Variants in COL27A1 observed in about 807,000 individuals in gnomAD.
COL27A1 encodes the protein collagen type XXVII alpha 1 chain, also known as collagen alpha-1(XXVII) chain.
COL27A1 carries 106 observed loss-of-function variants against 251.3 expected under a neutral mutation model. The ratio of observed to expected loss-of-function variants is 0.42; its 90% CI spans 0.36 to 0.50. The LOEUF is 0.50. COL27A1 is among the 20% of genes least tolerant of loss of function. The pLI is 0.00. For missense variants in COL27A1, 2,325 were observed against 2,522.8 expected (o/e 0.92, Z 1.68); for synonymous variants, 1,000 against 986.3 (o/e 1.01, Z -0.26).
chr9:114,262,073 G>A (rs1036983389), intron 28 of COL27A1, among the ~76,000 whole-genome samples: 6 of 152,166 alleles, frequency 3.9e-5, no homozygotes, highest in African/African-American at 1.4e-4. Flanking sequence ...GTCTCAGCGA[G>A]AGACAGAGCC....
intron 4 of COL27A1, among the ~76,000 whole-genome samples, chr9:114,179,942 G>A (rs910986925): frequency 6.7e-6 from 1 of 149,566 alleles, no homozygotes; most frequent in Admixed American, 6.8e-5. Flanking sequence ...AGGTTCAAGG[G>A]ATTCTCCTGC....
intron 2 of COL27A1, 107 bp downstream of exon 2, chr9:114,162,892 A>T: frequency 1.4e-6 from 1 of 736,486 alleles, no homozygotes; most frequent in East Asian, 2.5e-5. Context: ...TCAATGCCTC[A>T]GTTTTCCCAT....
rs1827810216 is a variant in COL27A1 at position 114,290,201 on chromosome 9, C to T, written c.4261-23C>T. ...CCACTCCCTGCACCAAATGCCCTCACCAGCTTTTTATGTACCCCCCAGGGC... is the reference window on the plus strand; with the variant it reads ...CCACTCCCTGCACCAAATGCCCTCATCAGCTTTTTATGTACCCCCCAGGGC... On this transcript the variant is annotated intron_variant, in intron 46 of 60. Coordinates refer to ENST00000356083, the MANE Select transcript of COL27A1 (RefSeq NM_032888.4). The surrounding 1 kb of genome is among the most constrained non-coding windows in gnomAD (Gnocchi z 4.6). 1.3e-6 allele frequency: 2 copies of T among 1,568,438 alleles called. No individual in the cohort carries two copies.
chr9:114,288,795 T>C (rs1232417287), intron 43 of COL27A1, 40 bp downstream of exon 43: 1 of 1,605,002 alleles, frequency 6.2e-7, no homozygotes, highest in South Asian at 1.1e-5. Context: ...GGATCGGGCA[T>C]GTCAGGGAGA....
chr9:114,249,060 G>A (rs1000084137), intron 24 of COL27A1, among the ~76,000 whole-genome samples: 1 of 152,148 alleles, frequency 6.6e-6, no homozygotes, highest in East Asian at 1.9e-4. Flanking sequence ...AAGTAGGGAG[G>A]TACCTTTATT....
chr9:114,277,248 G>C (rs1835566537), intron 37 of COL27A1, among the ~76,000 whole-genome samples: 1 of 152,066 alleles, frequency 6.6e-6, no homozygotes, highest in African/African-American at 2.4e-5. Context: ...AACTCCTTGG[G>C]ACCCGTGGAT....
Position 114,162,762 on chromosome 9 carries a change from C to T in COL27A1, c.110C>T (p.Ala37Val), listed in dbSNP as rs746741306. The T allele has an allele frequency of 1.2e-6, 2 of 1,612,866 alleles. No homozygotes were observed. The highest frequency in any genetic ancestry group is 1.7e-6 in the Non-Finnish European group (2 of 1,179,476). ...TTAGTCTCGTTTGCCTGTCACCTGG[C>T]CTCCACCCAAGGAGCTCCTGAAGGT... is the stretch of plus-strand genomic sequence containing the variant. ...WILVSFACHLASTQGAPEDVD... is the reference protein window; with the variant it reads ...WILVSFACHLVSTQGAPEDVD... Residue 37 changes from alanine (A) to valine (V), a missense_variant, in exon 2 of 61, where the codon GCC becomes GTC. By Grantham distance (64) the Ala-to-Val change is moderately conservative. Around this residue, in one of 4 missense-constraint regions of COL27A1, gnomAD observed 1,183 missense variants for 1,144.1 expected, o/e 1.03. Transcript: ENST00000356083.
intron 28 of COL27A1, among the ~76,000 whole-genome samples, chr9:114,261,474 G>A (rs1564538646): frequency 6.6e-6 from 1 of 152,224 alleles, no homozygotes; most frequent in Non-Finnish European, 1.5e-5. Context: ...AGAGTGTGCG[G>A]CTGTTCTCGC....
chr9:114,264,017 G>A (rs1834543212), intron 28 of COL27A1, among the ~76,000 whole-genome samples: 1 of 152,224 alleles, frequency 6.6e-6, no homozygotes, highest in African/African-American at 2.4e-5. Flanking sequence ...ACGTGGCCAC[G>A]TGTAACTCAA....
chr9:114,158,910 G>A (rs1485935188), intron 1 of COL27A1, among the ~76,000 whole-genome samples: 2 of 152,234 alleles, frequency 1.3e-5, no homozygotes, highest in African/African-American at 4.8e-5. Context: ...TAGACTTGAA[G>A]CACTGTGTGA....
At chr9:114,235,537 G>A (rs1045104746) in intron 16 of COL27A1, 62 bp from the exon 17 acceptor site, 3 of 1,283,652 alleles carry the variant, frequency 2.3e-6, no homozygotes, top group African/African-American at 1.5e-5. Flanking sequence ...GGGGGTCTGT[G>A]GGGGAGGCTT....
intron 23 of COL27A1, among the ~76,000 whole-genome samples, chr9:114,245,148 GTTTTTTT>G (rs779029948): frequency 9.9e-6 from 1 of 101,334 alleles, no homozygotes; most frequent in African/African-American, 3.9e-5. Context: ...GTGCATTCTT[GTTTTTTT>G]TTTTTTTTTT....
rs150589896 is a variant in COL27A1, at chr9:114,198,137, T to C, written c.2124+2125T>C. 5.4e-3 allele frequency among the ~76,000 whole-genome samples: 829 copies of C among 152,358 alleles called. 6 individuals carry two copies. The highest frequency in any genetic ancestry group is 0.019 in the African/African-American group (789 of 41,584). The stretch of plus-strand genomic sequence containing the variant: ...GTGAGGTTAGCTTCCTCTTCGTGCT[T>C]ACCAGCACATTGAATTTTTGTCATT... On this transcript the variant is annotated intron_variant, in intron 7 of 60. Transcript: ENST00000356083.
At chr9:114,280,384 G>C (rs144846940) in intron 37 of COL27A1, among the ~76,000 whole-genome samples, 2,235 of 152,164 alleles carry the variant, frequency 0.015, 36 homozygotes, top group Non-Finnish European at 0.02. Flanking sequence ...TGTATTTTTA[G>C]TAGAGACAGC....
chr9:114,271,732 T>A (rs1468009), intron 36 of COL27A1: 1 of 152,486 alleles, frequency 6.6e-6, no homozygotes, highest in African/African-American at 2.4e-5. Flanking sequence ...GGTCACCCTG[T>A]GCAAGTCAGC....
intron 49 of COL27A1, among the ~76,000 whole-genome samples, chr9:114,297,784 T>TA (rs1476841368): frequency 5.9e-5 from 9 of 152,196 alleles, no homozygotes. Context: ...TGTCCACTGT[T>TA]ACCACTTCTA....
Position 114,240,601 on chromosome 9 carries a change from AC to A in COL27A1, c.2835+116del. 5 of 987,234 alleles carry A rather than the reference AC, an allele frequency of 5.1e-6. No homozygotes were observed. The Admixed American group carries it at 1.1e-4, about 23-fold the overall frequency. The allele number at this position is 987,234 out of a possible 1,614,324, so 61.2% of individuals were successfully genotyped here. On this transcript the variant is annotated intron_variant, in intron 21 of 60. Coordinates refer to ENST00000356083, the MANE Select transcript of COL27A1 (RefSeq NM_032888.4). ...GGGCTGGAGCCCCCTCAGCCAGGAC[AC>A]CACCCAGGGCTTCCCCAGACTTACC...
rs1016059921 is a variant in COL27A1, at chr9:114,290,679, G to A, written c.4369-131G>A. 34 of 682,762 alleles carry A rather than the reference G, an allele frequency of 5.0e-5. No individual in the cohort carries two copies. The highest frequency in any genetic ancestry group is 4.0e-4 in the Middle Eastern group (1 of 2,474). 42.3% of individuals were successfully genotyped at this position (682,762 alleles called of 1,614,324 possible). A position where few individuals can be genotyped will look rare whatever the true frequency, so the allele number is the denominator to read the frequency against. ...GGTCCAGCCACATCACACACAGGCC[G>A]TCTGACCTCCATCCTGGAGTGTGAC... On this transcript the variant is annotated intron_variant, in intron 47 of 60. Coordinates refer to ENST00000356083, the MANE Select transcript of COL27A1 (RefSeq NM_032888.4). This position sits in a 1 kb window ranked among gnomAD's most constrained non-coding sequence, Gnocchi z 4.6.
Position 114,168,240 on chromosome 9 carries a change from T to C in COL27A1, c.685T>C (p.Cys229Arg), listed in dbSNP as rs1201759136. The change falls in exon 3 of 61, where the codon TGT becomes CGT. Residue 229 changes from cysteine to arginine, a missense_variant. This residue lies in a region of COL27A1 where 1,183 missense variants were observed against 1,144.1 expected (regional missense o/e 1.03). Coordinates refer to ENST00000356083, the MANE Select transcript of COL27A1 (RefSeq NM_032888.4). ...TGTGACGCAGGTCGCTCACAATTACTGTACCCACCTGAGGAAGCAGTGTGG... is the reference window on the plus strand; with the variant it reads ...TGTGACGCAGGTCGCTCACAATTACCGTACCCACCTGAGGAAGCAGTGTGG... ...YPVTQVAHNY[C>R]THLRKQCGQA... 1 of 1,614,028 alleles carries C rather than the reference T, an allele frequency of 6.2e-7. No homozygotes were observed. The highest frequency in any genetic ancestry group is 1.1e-5 in the South Asian group (1 of 91,088).
Sources: gnomAD v4.1 joint callset for allele counts (sites outside exome capture counted in the v4.1 genomes callset) on GRCh38, gnomAD v4.1.1 for gene constraint, gnomAD v4.1.1 regional missense constraint, Gnocchi (gnomAD v3.1) non-coding constraint, MANE v1.5 for transcripts, NCBI Gene and HGNC (gene_info 2026-07-23, HGNC 2026-07-21) for gene names.